LONP2: variants seen among roughly 807,000 people sequenced by gnomAD.
LONP2 encodes the protein lon protease homolog 2, peroxisomal.
In LONP2, 60 loss-of-function variants were observed where a neutral mutation model predicts 85.6. The observed-to-expected ratio is 0.70, with a 90% confidence interval of 0.57 to 0.87. LONP2 has a LOEUF of 0.87. LONP2 is among the 40% of genes least tolerant of loss of function. The pLI, the probability that LONP2 is intolerant of heterozygous loss-of-function variation, is 0.00. For missense variants in LONP2, 860 were observed against 1,063.5 expected, an observed-to-expected ratio of 0.81 and a Z score of 2.66; for synonymous variants, 395 against 389.7, an observed-to-expected ratio of 1.01 and a Z score of -0.16.
chr16:48,342,301 C>T (rs113397947), intron 12 of LONP2, among the ~76,000 whole-genome samples: 5 of 152,302 alleles, frequency 3.3e-5, no homozygotes, highest in African/African-American at 1.2e-4. Context: ...TAGAATGCAT[C>T]CAGAAGCGAA....
intron 8 of LONP2, among the ~76,000 whole-genome samples, chr16:48,295,719 G>A (rs1242800739): frequency 6.6e-6 from 1 of 152,190 alleles, no homozygotes; most frequent in Non-Finnish European, 1.5e-5. Flanking sequence ...ACTTATGATG[G>A]CCAAACAATG....
At chr16:48,338,462 G>T (rs745568993) in intron 12 of LONP2, among the ~76,000 whole-genome samples, 4 of 152,202 alleles carry the variant, frequency 2.6e-5, no homozygotes, top group Non-Finnish European at 4.4e-5. Flanking sequence ...GGGGAATGAA[G>T]GAAACAGTTA....
intron 8 of LONP2, among the ~76,000 whole-genome samples, chr16:48,279,641 C>G (rs1972285183): frequency 6.6e-6 from 1 of 152,090 alleles, no homozygotes; most frequent in African/African-American, 2.4e-5. Flanking sequence ...AAATAAACTT[C>G]CAGTGTTTTG....
downstream of LONP2, among the ~76,000 whole-genome samples, chr16:48,360,136 T>C (rs117823128): frequency 0.022 from 3,318 of 152,348 alleles, 65 homozygotes; most frequent in Non-Finnish European, 0.029. Flanking sequence ...ATTAGGAAAC[T>C]GGGGCCCAAG....
At chr16:48,298,482 T>G (rs1364334132) in intron 9 of LONP2, among the ~76,000 whole-genome samples, 1 of 152,054 alleles carries the variant, frequency 6.6e-6, no homozygotes, top group Non-Finnish European at 1.5e-5. Context: ...CACACATATA[T>G]ATATATACCA....
chr16:48,327,335 T>A (rs1959268899), intron 11 of LONP2, among the ~76,000 whole-genome samples: 2 of 152,226 alleles, frequency 1.3e-5, no homozygotes, highest in African/African-American at 4.8e-5. Flanking sequence ...AGACCGATTT[T>A]ATTTCTTTTA....
chr16:48,354,053 C>T lies in LONP2; in HGVS notation c.*2251C>T. ...TTGGTTGGTTGAAGTCTAAGCTCTT[C>T]CTTTTTCACCTGGGTTTTTTTTTTT... On this transcript the variant is annotated 3_prime_UTR_variant, in exon 15 of 15. Coordinates refer to ENST00000285737, the MANE Select transcript of LONP2 (RefSeq NM_031490.5). 1.1e-5 allele frequency: 1 copy of T among 92,742 alleles called. No homozygotes were observed. Among genetic ancestry groups the T allele is most frequent in the African/African-American group, 4.5e-5 (1 of 22,360 alleles). The allele number at this position is 92,742 out of a possible 1,614,324, so 5.7% of individuals were successfully genotyped here.
Position 48,334,455 on chromosome 16 carries a change from T to C in LONP2, c.1938+97T>C. 3 of 1,439,836 alleles carry C rather than the reference T, an allele frequency of 2.1e-6. No individual in the cohort carries two copies. The East Asian group carries it at 6.8e-5, about 33-fold the overall frequency. 89.2% of individuals were successfully genotyped at this position (1,439,836 alleles called of 1,614,324 possible). On this transcript the variant is annotated intron_variant, in intron 12 of 14. Coordinates refer to ENST00000285737, the MANE Select transcript of LONP2 (RefSeq NM_031490.5). ...AGGGCCTGGGCAGGAGGCTGCCCTT[T>C]GGGGAAGGAATAGCCTTATTCGACC...
intron 6 of LONP2, among the ~76,000 whole-genome samples, chr16:48,263,602 G>A (rs1971922832): frequency 6.6e-6 from 1 of 152,136 alleles, no homozygotes; most frequent in African/African-American, 2.4e-5. Context: ...ATTCACTTAT[G>A]TGTCAGTAGA....
At chr16:48,282,090 A>T (rs577778932) in intron 8 of LONP2, among the ~76,000 whole-genome samples, 4 of 152,328 alleles carry the variant, frequency 2.6e-5, no homozygotes, top group African/African-American at 9.6e-5. Flanking sequence ...TGTACTTCAC[A>T]GACTGTGTTT....
At chr16:48,287,689 T>C (rs1302054601) in intron 8 of LONP2, among the ~76,000 whole-genome samples, 1 of 152,224 alleles carries the variant, frequency 6.6e-6, no homozygotes, top group Non-Finnish European at 1.5e-5. Flanking sequence ...TTTGCTACCA[T>C]GAACTTGAGA....
intron 8 of LONP2, among the ~76,000 whole-genome samples, chr16:48,293,955 G>C (rs1972613854): frequency 6.6e-6 from 1 of 152,158 alleles, no homozygotes; most frequent in African/African-American, 2.4e-5. Flanking sequence ...TTGTTAGTTT[G>C]TGTTGGATTT....
At chr16:48,325,650 CCATT>C (rs1269185886) in intron 11 of LONP2, among the ~76,000 whole-genome samples, 15 of 152,126 alleles carry the variant, frequency 9.9e-5, no homozygotes, top group Admixed American at 9.8e-4. Flanking sequence ...TTTTCTTTAT[CCATT>C]CATCCGTTGA....
intron 2 of LONP2, 100 bp from the exon 3 acceptor site, chr16:48,256,510 A>T (rs1205563486): frequency 1.6e-6 from 2 of 1,264,976 alleles, no homozygotes; most frequent in East Asian, 2.3e-5. Flanking sequence ...TCAAAAACAA[A>T]GACTGAGGCC....
chr16:48,283,262 C>T (rs527407243), intron 8 of LONP2, among the ~76,000 whole-genome samples: 35 of 152,206 alleles, frequency 2.3e-4, no homozygotes, highest in Non-Finnish European at 4.6e-4. Context: ...TGTTATCTAT[C>T]CAGAACATCT....
Position 48,351,622 on chromosome 16 carries a change from G to T in LONP2, c.2379G>T (p.Ala793=). 6.2e-7 allele frequency: 1 copy of T among 1,614,010 alleles called. No homozygotes were observed. The highest frequency in any genetic ancestry group is 8.5e-7 in the Non-Finnish European group (1 of 1,179,970). The change falls in exon 15 of 15, where the codon GCG becomes GCT. Residue 793 remains alanine (A), a synonymous_variant. Coordinates refer to ENST00000285737, the MANE Select transcript of LONP2 (RefSeq NM_031490.5). ...ACAAAGTGCTGGCGGCACACAGAGC[G>T]GGACTGAAGCAAGTCATTATTCCTC... The part of the protein sequence containing the change: ...IKDKVLAAHR[A]GLKQVIIPRR...
chr16:48,299,162 G>A (rs1972743089), intron 9 of LONP2, among the ~76,000 whole-genome samples: 1 of 152,002 alleles, frequency 6.6e-6, no homozygotes, highest in African/African-American at 2.4e-5. Context: ...AAAGTGCTAG[G>A]ATTACAGGTG....
chr16:48,264,107 T>C (rs1971935822), intron 6 of LONP2, among the ~76,000 whole-genome samples: 1 of 152,096 alleles, frequency 6.6e-6, no homozygotes, highest in Non-Finnish European at 1.5e-5. Context: ...GGACCACAGC[T>C]CCGAGGCGAA....
intron 11 of LONP2, among the ~76,000 whole-genome samples, chr16:48,305,412 G>A (rs1293678800): frequency 1.3e-5 from 2 of 151,956 alleles, no homozygotes; most frequent in African/African-American, 2.4e-5. Flanking sequence ...ATGCCACCAC[G>A]CCCGGCTAAT....
Sources: allele counts gnomAD v4.1 joint callset (sites outside exome capture counted in the v4.1 genomes callset), GRCh38; gene constraint gnomAD v4.1.1; transcripts MANE v1.5; gene names NCBI Gene and HGNC (gene_info 2026-07-23, HGNC 2026-07-21).